IGFBPL1: variants seen among roughly 807,000 people sequenced by gnomAD.
IGFBPL1 encodes the protein insulin-like growth factor-binding protein-like 1.
In IGFBPL1, 20 loss-of-function variants were observed where a neutral mutation model predicts 23.9. The observed-to-expected ratio is 0.84, with a 90% confidence interval of 0.59 to 1.22. The LOEUF is 1.22. IGFBPL1 is among the 50% of genes most tolerant of loss of function. IGFBPL1 has a pLI of 0.00. For missense variants in IGFBPL1, 436 were observed against 379.3 expected (o/e 1.15, Z -1.24); for synonymous variants, 184 against 171.8 (o/e 1.07, Z -0.56).
intron 1 of IGFBPL1, among the ~76,000 whole-genome samples, chr9:38,421,973 C>T (rs1054392753): frequency 1.3e-5 from 2 of 152,196 alleles, no homozygotes; most frequent in Non-Finnish European, 2.9e-5. Context: ...TATCTTTATT[C>T]CCTGGGTCTG....
intron 1 of IGFBPL1, among the ~76,000 whole-genome samples, chr9:38,421,102 G>A (rs899572207): frequency 6.6e-6 from 1 of 151,860 alleles, no homozygotes; most frequent in Non-Finnish European, 1.5e-5. Flanking sequence ...AGAACAGCCT[G>A]GGAAACACAG....
chr9:38,414,297 T>A, intron 1 of IGFBPL1, 94 bp from the exon 2 acceptor site: 1 of 688,208 alleles, frequency 1.5e-6, no homozygotes, highest in Non-Finnish European at 2.5e-6. Flanking sequence ...CCCGCTGTGA[T>A]GTCCTGACAT....
chr9:38,424,328 C>A lies in IGFBPL1; in HGVS notation c.97G>T (p.Gly33Cys), dbSNP rs1281675506. The change falls in exon 1 of 5, where the codon GGC (glycine) becomes TGC (cysteine). Residue 33 changes from glycine to cysteine, a missense_variant. Physicochemically the swap from Gly to Cys is radical, Grantham distance 159 (BLOSUM62 -3). Transcript: ENST00000377694. ...CACGGACCACACTTGGGGCGCCGGC[C>A]GCCCACGTCGCGGATCCCAAGGCTC... is the stretch of plus-strand genomic sequence containing the variant. ...SPSLGIRDVGGRRPKCGPCRP... is the reference protein window; with the variant it reads ...SPSLGIRDVGCRRPKCGPCRP... The A allele has an allele frequency of 9.2e-7, 1 of 1,089,008 alleles. No individual in the cohort carries two copies. Among genetic ancestry groups the A allele is most frequent in the Admixed American group, 2.7e-5 (1 of 36,544 alleles). 67.5% of individuals were successfully genotyped at this position (1,089,008 alleles called of 1,614,324 possible).
At position 38,408,253 on chromosome 9, in the gene IGFBPL1, C is replaced by CAAAAAAA. The variant is rs35229194; in HGVS notation, c.*967_*973dup. The stretch of plus-strand genomic sequence containing the variant: ...GCAACATAGGGAGACCCTGTCTCTA[C>CAAAAAAA]AAAAAAAAAAAAAAAAAAAAAAAAA... On this transcript the variant is annotated 3_prime_UTR_variant, in exon 5 of 5. Coordinates refer to ENST00000377694, the MANE Select transcript of IGFBPL1 (RefSeq NM_001007563.3). 3.4e-4 allele frequency among the ~76,000 whole-genome samples: 24 copies of CAAAAAAA among 70,192 alleles called. 2 individuals carry two copies. Among genetic ancestry groups the CAAAAAAA allele is most frequent in the Non-Finnish European group, 5.0e-4 (18 of 35,758 alleles). The allele number at this position is 70,192 out of a possible 152,430, so 46.0% of individuals were successfully genotyped here. A position where few individuals can be genotyped will look rare whatever the true frequency, so the allele number is the denominator to read the frequency against.
At chr9:38,412,538 C>T (rs748375538) in intron 3 of IGFBPL1, among the ~76,000 whole-genome samples, 10 of 152,200 alleles carry the variant, frequency 6.6e-5, no homozygotes, top group Admixed American at 1.3e-4. Flanking sequence ...CCACCTTCTA[C>T]CTTTACCAGC....
intron 1 of IGFBPL1, among the ~76,000 whole-genome samples, chr9:38,420,473 G>A (rs1171586546): frequency 6.6e-6 from 1 of 152,250 alleles, no homozygotes; most frequent in African/African-American, 2.4e-5. Context: ...CAAGATTCAA[G>A]GCTGGCGGGT....
At chr9:38,413,196 T>C (rs1821537088) in intron 3 of IGFBPL1, 41 bp downstream of exon 3, 8 of 1,242,694 alleles carry the variant, frequency 6.4e-6, no homozygotes, top group Non-Finnish European at 7.1e-6. Flanking sequence ...GGATGGTTTA[T>C]AATGGTCAGT....
chr9:38,414,581 G>C (rs1030834933), intron 1 of IGFBPL1, among the ~76,000 whole-genome samples: 1 of 152,190 alleles, frequency 6.6e-6, no homozygotes, highest in Non-Finnish European at 1.5e-5. Context: ...AGGGGCTGGT[G>C]TCACGCCACC....
At chr9:38,421,387 C>G (rs1046611597) in intron 1 of IGFBPL1, among the ~76,000 whole-genome samples, 1 of 151,696 alleles carries the variant, frequency 6.6e-6, no homozygotes, top group Non-Finnish European at 1.5e-5. Context: ...GGATCACTCT[C>G]ATTATGTGGC....
chr9:38,414,619 T>G (rs1323434280), intron 1 of IGFBPL1, among the ~76,000 whole-genome samples: 2 of 152,142 alleles, frequency 1.3e-5, no homozygotes, highest in Non-Finnish European at 2.9e-5. Context: ...ACAGATGGGC[T>G]TTTCTCCTTC....
intron 1 of IGFBPL1, among the ~76,000 whole-genome samples, chr9:38,415,488 G>A (rs1821587283): frequency 6.6e-6 from 1 of 152,140 alleles, no homozygotes. Context: ...AAGGAGACTA[G>A]TTTGGCCCCT....
chr9:38,416,601 T>C (rs915976492), intron 1 of IGFBPL1, among the ~76,000 whole-genome samples: 3 of 152,172 alleles, frequency 2.0e-5, no homozygotes, highest in African/African-American at 7.2e-5. Context: ...ATTACCACTA[T>C]AGCCAAGATA....
chr9:38,407,801 T>C lies in IGFBPL1; in HGVS notation c.*1426A>G, dbSNP rs1171181147. On this transcript the variant is annotated 3_prime_UTR_variant, in exon 5 of 5. Transcript: ENST00000377694. ...AAGGCAGGGACATTAACACCTGTCC[T>C]GCCCCATCTCCCAGAGTTGGGATCA... Among the ~76,000 whole-genome samples the C allele has an allele frequency of 2.6e-5, 4 of 152,234 alleles. No homozygotes were observed. The highest frequency in any genetic ancestry group is 2.9e-5 in the Non-Finnish European group (2 of 68,048).
chr9:38,411,131 C>T (rs1460810014), intron 4 of IGFBPL1, among the ~76,000 whole-genome samples: 1 of 151,922 alleles, frequency 6.6e-6, no homozygotes, highest in Non-Finnish European at 1.5e-5. Flanking sequence ...AGCCCCAAAA[C>T]ACAACTGGTC....
Position 38,409,781 on chromosome 9 carries a change from C to G in IGFBPL1, c.*10-564G>C, listed in dbSNP as rs562392975. Among the ~76,000 whole-genome samples the G allele has an allele frequency of 4.6e-5, 7 of 152,310 alleles. No individual in the cohort carries two copies. In the East Asian group the frequency reaches 1.4e-3, roughly 29 times the overall value. ...GTTGAATTCCTATTTCACAGTTTTA[C>G]ATTTTCATATTTTTCTCCCCATTTC... is the stretch of plus-strand genomic sequence containing the variant. On this transcript the variant is annotated intron_variant, in intron 4 of 4. Coordinates refer to ENST00000377694, the MANE Select transcript of IGFBPL1 (RefSeq NM_001007563.3).
chr9:38,419,886 C>CT, intron 1 of IGFBPL1, among the ~76,000 whole-genome samples: 2 of 131,584 alleles, frequency 1.5e-5, no homozygotes, highest in South Asian at 2.6e-4. Flanking sequence ...CCTCCTCCTC[C>CT]TCCTCCTTCT....
intron 3 of IGFBPL1, among the ~76,000 whole-genome samples, chr9:38,412,855 C>A (rs1308314749): frequency 1.3e-5 from 2 of 152,210 alleles, no homozygotes; most frequent in Non-Finnish European, 2.9e-5. Flanking sequence ...GCCTCTGACT[C>A]TTCTGTTTCC....
chr9:38,409,002 C>A lies in IGFBPL1; in HGVS notation c.*225G>T, dbSNP rs2118294270. 6.6e-6 allele frequency: 1 copy of A among 152,290 alleles called. No individual in the cohort carries two copies. The highest frequency in any genetic ancestry group is 2.1e-4 in the South Asian group (1 of 4,830). 9.4% of individuals were successfully genotyped at this position (152,290 alleles called of 1,614,324 possible). ...AATTACAAAAAGACTTCTCATGGAA[C>A]AATTCATTTCAAAAGTATAAAAAAG... is the stretch of plus-strand genomic sequence containing the variant. On this transcript the variant is annotated 3_prime_UTR_variant, in exon 5 of 5. Coordinates refer to ENST00000377694, the MANE Select transcript of IGFBPL1 (RefSeq NM_001007563.3).
At chr9:38,414,033 T>TCA (rs3045140) in intron 2 of IGFBPL1, 61 bp downstream of exon 2, 33,142 of 734,560 alleles carry the variant, frequency 0.045, 76 homozygotes, top group Non-Finnish European at 0.05. Flanking sequence ...TCCCTCTTTC[T>TCA]CACACACACA....
Sources: allele counts gnomAD v4.1 joint callset (sites outside exome capture counted in the v4.1 genomes callset), GRCh38; gene constraint gnomAD v4.1.1; transcripts MANE v1.5; gene names NCBI Gene and HGNC (gene_info 2026-07-23, HGNC 2026-07-21).